Variants in GTF2E2 observed in about 807,000 individuals in gnomAD.
GTF2E2 encodes general transcription factor IIE subunit 2, also known as transcription initiation factor IIE subunit beta.
Under a neutral mutation model 40.5 loss-of-function variants are expected in GTF2E2, and 21 were observed. That is an observed-to-expected ratio of 0.52 (90% CI 0.37 to 0.75). The LOEUF (loss-of-function observed/expected upper bound fraction) is 0.75, where lower values mean the gene tolerates loss of function less well. Ranked by LOEUF, GTF2E2 falls within the 30% of genes least tolerant of loss-of-function variation. The pLI, the probability that GTF2E2 is intolerant of heterozygous loss-of-function variation, is 0.00. For missense variants in GTF2E2, 298 were observed against 338.4 expected, an observed-to-expected ratio of 0.88 and a Z score of 0.94; for synonymous variants, 117 against 121.6, an observed-to-expected ratio of 0.96 and a Z score of 0.25.
chr8:30,650,951 T>C (rs1802253799), intron 2 of GTF2E2, among the ~76,000 whole-genome samples: 1 of 148,602 alleles, frequency 6.7e-6, no homozygotes, highest in Non-Finnish European at 1.5e-5. Context: ...GAAGTGGAGC[T>C]TGCACTGAGC....
intron 4 of GTF2E2, among the ~76,000 whole-genome samples, chr8:30,613,648 C>T (rs1372145402): frequency 6.6e-6 from 1 of 152,148 alleles, no homozygotes; most frequent in Non-Finnish European, 1.5e-5. Flanking sequence ...ATCACTAATA[C>T]AATGAACTAC....
At chr8:30,642,140 C>A (rs1313047522) in intron 2 of GTF2E2, among the ~76,000 whole-genome samples, 2 of 151,892 alleles carry the variant, frequency 1.3e-5, no homozygotes, top group African/African-American at 4.8e-5. Flanking sequence ...ATTAAGAAAG[C>A]AAAGGAATAC....
intron 6 of GTF2E2, among the ~76,000 whole-genome samples, chr8:30,590,691 A>G (rs549633428): frequency 6.3e-4 from 96 of 151,836 alleles, no homozygotes; most frequent in African/African-American, 2.3e-3. Flanking sequence ...TTGAAATCAA[A>G]AACTTTTTTT....
At chr8:30,588,720 A>C (rs908423036) in intron 6 of GTF2E2, among the ~76,000 whole-genome samples, 5 of 152,292 alleles carry the variant, frequency 3.3e-5, no homozygotes, top group Admixed American at 1.3e-4. Flanking sequence ...AGCAGAGGTC[A>C]GAGTGATGCT....
intron 3 of GTF2E2, among the ~76,000 whole-genome samples, chr8:30,618,034 C>A (rs886501820): frequency 6.6e-6 from 1 of 152,174 alleles, no homozygotes; most frequent in African/African-American, 2.4e-5. Context: ...CACAGTGGCT[C>A]ATGCCTGTAA....
At chr8:30,618,664 A>C (rs879861882) in intron 3 of GTF2E2, among the ~76,000 whole-genome samples, 7 of 152,190 alleles carry the variant, frequency 4.6e-5, no homozygotes, top group Non-Finnish European at 8.8e-5. Flanking sequence ...AAAATGTTTC[A>C]AATCTGCTCA....
intron 5 of GTF2E2, among the ~76,000 whole-genome samples, chr8:30,607,855 G>A (rs1306400132): frequency 2.0e-5 from 3 of 152,018 alleles, no homozygotes; most frequent in African/African-American, 7.2e-5. Context: ...TTCCAATTGT[G>A]CTTTTAAAAC....
chr8:30,616,043 T>C (rs2077834759), intron 3 of GTF2E2, among the ~76,000 whole-genome samples: 1 of 152,080 alleles, frequency 6.6e-6, no homozygotes, highest in African/African-American at 2.4e-5. Flanking sequence ...AAACCTTAAA[T>C]ACATATTACT....
chr8:30,588,463 G>T (rs1050244051), intron 6 of GTF2E2, among the ~76,000 whole-genome samples: 1 of 152,160 alleles, frequency 6.6e-6, no homozygotes, highest in Non-Finnish European at 1.5e-5. Context: ...AAATAAGCCA[G>T]GCACCGAATG....
intron 2 of GTF2E2, among the ~76,000 whole-genome samples, chr8:30,642,514 C>T (rs1326185710): frequency 2.0e-5 from 3 of 152,094 alleles, no homozygotes; most frequent in Non-Finnish European, 4.4e-5. Flanking sequence ...GTTGAAAAAA[C>T]AAAAGAACAC....
At chr8:30,638,766 C>T (rs900860346) in intron 2 of GTF2E2, 24 of 152,450 alleles carry the variant, frequency 1.6e-4, no homozygotes, top group African/African-American at 5.1e-4. Context: ...GCAATGTATT[C>T]GTTTCACCGC....
chr8:30,617,881 C>A (rs1800969854), intron 3 of GTF2E2, among the ~76,000 whole-genome samples: 1 of 152,158 alleles, frequency 6.6e-6, no homozygotes, highest in Non-Finnish European at 1.5e-5. Flanking sequence ...AAACGCCGGG[C>A]AGCTATAGTA....
chr8:30,657,121 ATGTC>A (rs1802474139), intron 1 of GTF2E2: 1 of 152,190 alleles, frequency 6.6e-6, no homozygotes, highest in Non-Finnish European at 1.5e-5. Context: ...AAGCTTCGCA[ATGTC>A]TGTCTTTCAC....
At chr8:30,617,064 T>C (rs1290304528) in intron 3 of GTF2E2, among the ~76,000 whole-genome samples, 1 of 152,056 alleles carries the variant, frequency 6.6e-6, no homozygotes, top group Non-Finnish European at 1.5e-5. Context: ...TATACAACTT[T>C]ACTTTTTGTA....
chr8:30,614,902 A>G (rs944295476), intron 3 of GTF2E2, among the ~76,000 whole-genome samples, 187 bp from the exon 4 acceptor site: 7 of 152,164 alleles, frequency 4.6e-5, no homozygotes, highest in African/African-American at 1.7e-4. Context: ...CTATAAAATC[A>G]AAAGACAAAC....
intron 6 of GTF2E2, among the ~76,000 whole-genome samples, chr8:30,602,584 T>A (rs1442884063): frequency 1.3e-5 from 2 of 151,812 alleles, no homozygotes; most frequent in Non-Finnish European, 2.9e-5. Flanking sequence ...TGGAGAAACC[T>A]GGTCTCTACT....
intron 6 of GTF2E2, among the ~76,000 whole-genome samples, chr8:30,591,161 A>G (rs1161559050): frequency 6.6e-6 from 1 of 152,214 alleles, no homozygotes; most frequent in East Asian, 1.9e-4. Context: ...TTAAATGGAC[A>G]AAGGATTTCA....
At chr8:30,588,962 G>C (rs528187318) in intron 6 of GTF2E2, among the ~76,000 whole-genome samples, 6 of 152,238 alleles carry the variant, frequency 3.9e-5, no homozygotes, top group African/African-American at 1.2e-4. Flanking sequence ...TTTTAAAAAA[G>C]TACTGGCCTG....
At chr8:30,639,274 T>C (rs16877230) in intron 2 of GTF2E2, among the ~76,000 whole-genome samples, 260 of 152,320 alleles carry the variant, frequency 1.7e-3, no homozygotes, top group African/African-American at 6.0e-3. Flanking sequence ...AGATAATTTA[T>C]ACAGCTTCAG....
Sources: allele counts gnomAD v4.1 joint callset (sites outside exome capture counted in the v4.1 genomes callset), GRCh38; gene constraint gnomAD v4.1.1; transcripts MANE v1.5; gene names NCBI Gene and HGNC (gene_info 2026-07-23, HGNC 2026-07-21).